The following S100PBP variants were observed in gnomAD, a reference collection of about 807,000 sequenced individuals.
S100PBP encodes S100P-binding protein.
In S100PBP, 15 loss-of-function variants were observed where a neutral mutation model predicts 39.9. That is an observed-to-expected ratio of 0.38 (90% CI 0.25 to 0.58). The LOEUF is 0.58. S100PBP is among the 20% of genes least tolerant of loss of function. The probability of loss-of-function intolerance (pLI) is 0.70; values close to 1 mark genes in which losing one functional copy is unlikely to be tolerated. For synonymous variants in S100PBP, 178 were observed against 180.3 expected, an observed-to-expected ratio of 0.99 and a Z score of 0.10; for missense variants, 504 against 487.3, an observed-to-expected ratio of 1.03 and a Z score of -0.32.
chr1:32,840,286 T>C (rs1404378747), intron 5 of S100PBP, among the ~76,000 whole-genome samples: 1 of 151,602 alleles, frequency 6.6e-6, no homozygotes, highest in African/African-American at 2.4e-5. Flanking sequence ...GCACTCGGCC[T>C]AATTTTTTGT....
chr1:32,836,700 A>G (rs1369779967), intron 5 of S100PBP: 2 of 475,604 alleles, frequency 4.2e-6, no homozygotes, highest in Non-Finnish European at 5.5e-6. Context: ...TTAGCCCTGC[A>G]ACAGAGCTGT....
At chr1:32,816,920 G>C (rs916969006), upstream of S100PBP, 1 of 590,664 alleles carries the variant, frequency 1.7e-6, no homozygotes, top group African/African-American at 1.9e-5. Context: ...ACTTAATAGG[G>C]GGGTGGAATG....
At chr1:32,832,279 GTT>G (rs5773388) in intron 5 of S100PBP, among the ~76,000 whole-genome samples, 2 of 150,024 alleles carry the variant, frequency 1.3e-5, no homozygotes, top group African/African-American at 2.4e-5. Flanking sequence ...TCATACTGAA[GTT>G]TTTTTTTTTA....
intron 5 of S100PBP, among the ~76,000 whole-genome samples, chr1:32,849,066 T>G (rs1640501613): frequency 6.6e-6 from 1 of 152,248 alleles, no homozygotes; most frequent in South Asian, 2.1e-4. Context: ...ATGAGGTTTT[T>G]GGATTATTAG....
chr1:32,844,551 A>C (rs1640269626), intron 5 of S100PBP, among the ~76,000 whole-genome samples: 3 of 152,012 alleles, frequency 2.0e-5, no homozygotes, highest in Admixed American at 6.6e-5. Context: ...ATCACAGCTT[A>C]CTGCAGCCTC....
At chr1:32,842,941 T>C (rs951271844) in intron 5 of S100PBP, 3 of 152,246 alleles carry the variant, frequency 2.0e-5, no homozygotes, top group Non-Finnish European at 4.4e-5. Flanking sequence ...AAGTCTTCTC[T>C]AATTTCCTTC....
At chr1:32,839,202 G>C (rs887675915) in intron 5 of S100PBP, among the ~76,000 whole-genome samples, 2 of 152,068 alleles carry the variant, frequency 1.3e-5, no homozygotes, top group African/African-American at 4.8e-5. Flanking sequence ...GACTACTCTA[G>C]GTACCTCACA....
At chr1:32,818,371 G>A (rs369929853) in intron 1 of S100PBP, among the ~76,000 whole-genome samples, 2 of 152,240 alleles carry the variant, frequency 1.3e-5, no homozygotes, top group South Asian at 4.1e-4. Context: ...CCCTTTCTCC[G>A]GCTCCTCAAG....
In S100PBP at chr1:32,826,558, A is replaced by C. The variant is rs1180578864; in HGVS notation, c.459A>C (p.Pro153=). Residue 153 remains proline, a synonymous_variant, in exon 3 of 7, where the codon CCA becomes CCC. Coordinates refer to ENST00000373475, the MANE Select transcript of S100PBP (RefSeq NM_022753.4). ...LIKVTVAPFN[P]TVCDALLDKD... ...AAGTAACTGTTGCACCATTTAATCC[A>C]ACAGTTTGTGATGCTCTGCTTGATA... is the stretch of plus-strand genomic sequence containing the variant. 1 of 1,613,762 alleles carries C rather than the reference A, an allele frequency of 6.2e-7. No homozygotes were observed. Among genetic ancestry groups the C allele is most frequent in the Non-Finnish European group, 8.5e-7 (1 of 1,180,020 alleles).
chr1:32,854,459 C>T (rs1344303302), intron 6 of S100PBP, among the ~76,000 whole-genome samples: 1 of 152,014 alleles, frequency 6.6e-6, no homozygotes, highest in African/African-American at 2.4e-5. Flanking sequence ...CATTTTTCTT[C>T]TTTGAATATT....
chr1:32,853,010 C>G (rs748874615), intron 5 of S100PBP, 69 bp from the exon 6 acceptor site: 1 of 1,048,922 alleles, frequency 9.5e-7, no homozygotes, highest in East Asian at 2.4e-5. Context: ...TCCCTGAAAA[C>G]ACATACTTTG....
rs1054373823 is a variant in S100PBP, at chr1:32,822,604, G to A, written c.-119-2709G>A. 2.2e-4 allele frequency among the ~76,000 whole-genome samples: 30 copies of A among 136,926 alleles called. 2 individuals carry two copies. Among genetic ancestry groups the A allele is most frequent in the Admixed American group, 2.0e-3 (25 of 12,286 alleles). The allele number at this position is 136,926 out of a possible 152,430, so 89.8% of individuals were successfully genotyped here. Reference sequence around the variant, plus strand: ...CCACTGCACTCCAGTCTGGGCTACAGAGCTAGACTCCGTTTCAAAAAAAAA... The same window carrying A: ...CCACTGCACTCCAGTCTGGGCTACAAAGCTAGACTCCGTTTCAAAAAAAAA... On this transcript the variant is annotated intron_variant, in intron 1 of 6. Transcript: ENST00000373475.
At chr1:32,824,846 A>ATATATATATAT (rs1557482764) in intron 1 of S100PBP, 4 of 145,916 alleles carry the variant, frequency 2.7e-5, no homozygotes, top group African/African-American at 7.7e-5. Context: ...ATATATATAT[A>ATATATATATAT]AAGATTTGTG....
rs1639324289 is a variant in S100PBP at position 32,826,397 on chromosome 1, T to C, written c.298T>C (p.Ser100Pro). 1 of 1,613,974 alleles carries C rather than the reference T, an allele frequency of 6.2e-7. No individual in the cohort carries two copies. The highest frequency in any genetic ancestry group is 8.5e-7 in the Non-Finnish European group (1 of 1,180,020). The change falls in exon 3 of 7, where the codon TCA becomes CCA. Residue 100 changes from serine (S) to proline (P), a missense_variant. Coordinates refer to ENST00000373475, the MANE Select transcript of S100PBP (RefSeq NM_022753.4). ...ACTTGATACTCCCCGAGAGAAAAAT[T>C]CATCGTACAGCCTGGGACCAGTAGC... ...ILLDTPREKN[S>P]SYSLGPVAET...
intron 5 of S100PBP, among the ~76,000 whole-genome samples, chr1:32,845,045 G>C (rs917393339): frequency 6.0e-5 from 9 of 150,668 alleles, no homozygotes; most frequent in African/African-American, 2.0e-4. Flanking sequence ...ATTTATTTTT[G>C]AGGTGGAGTC....
At chr1:32,830,737 G>A (rs1302556730) in intron 5 of S100PBP, among the ~76,000 whole-genome samples, 1 of 152,140 alleles carries the variant, frequency 6.6e-6, no homozygotes. Context: ...ACTGATAAAA[G>A]AATCACTTAT....
intron 1 of S100PBP, chr1:32,824,852 T>TTG (rs1021761326): frequency 2.2e-5 from 3 of 133,576 alleles, no homozygotes; most frequent in African/African-American, 3.2e-5. Flanking sequence ...ATATAAAGAT[T>TTG]TGTGTGTGTG....
chr1:32,853,410 G>C (rs1640697625), intron 6 of S100PBP, among the ~76,000 whole-genome samples: 1 of 151,610 alleles, frequency 6.6e-6, no homozygotes, highest in South Asian at 2.1e-4. Flanking sequence ...GGCGAAGGTT[G>C]CAGTGAGCCA....
intron 5 of S100PBP, chr1:32,835,471 GTTACATATAT>G (rs1639775945): frequency 6.6e-6 from 1 of 151,882 alleles, no homozygotes; most frequent in Non-Finnish European, 1.5e-5. Context: ...ATTCAGTAAT[GTTACATATAT>G]TCACATTGTT....
Sources: gnomAD v4.1 joint callset for allele counts (sites outside exome capture counted in the v4.1 genomes callset) on GRCh38, gnomAD v4.1.1 for gene constraint, MANE v1.5 for transcripts, NCBI Gene and HGNC (gene_info 2026-07-23, HGNC 2026-07-21) for gene names.